ZNF217: variants seen among roughly 807,000 people sequenced by gnomAD.
ZNF217 encodes the protein zinc finger protein 217.
Under a neutral mutation model 73.3 loss-of-function variants are expected in ZNF217, and 12 were observed. That is an observed-to-expected ratio of 0.16 (90% CI 0.10 to 0.27). The LOEUF (loss-of-function observed/expected upper bound fraction) is 0.27. Among genes scored for constraint, ZNF217 ranks in the 10% least tolerant of loss-of-function variants. The pLI is 1.00. For synonymous variants in ZNF217, 588 were observed against 516.4 expected, an observed-to-expected ratio of 1.14 and a Z score of -1.88; for missense variants, 1,195 against 1,327.8, an observed-to-expected ratio of 0.90 and a Z score of 1.55.
intron 5 of ZNF217, among the ~76,000 whole-genome samples, chr20:53,571,095 TA>T (rs1291308193): frequency 3.3e-5 from 5 of 152,190 alleles, no homozygotes; most frequent in Non-Finnish European, 7.4e-5. Flanking sequence ...CATGTTCCAA[TA>T]AAACTTTATT....
Position 53,582,830 on chromosome 20 carries a change from A to G in ZNF217, c.-4T>C. Reference sequence around the variant, plus strand: ...TTCCTGTCACTTTCGATTGCATATAATCTCAAAGTTCCGTTGGGCAATTTC... The same window carrying G: ...TTCCTGTCACTTTCGATTGCATATAGTCTCAAAGTTCCGTTGGGCAATTTC... On this transcript the variant is annotated 5_prime_UTR_variant, in exon 2 of 6. Transcript: ENST00000371471. This position sits in a 1 kb window ranked among gnomAD's most constrained non-coding sequence, Gnocchi z 4.8. 1 of 1,586,890 alleles carries G rather than the reference A, an allele frequency of 6.3e-7. No homozygotes were observed. The highest frequency in any genetic ancestry group is 1.3e-5 in the African/African-American group (1 of 74,206).
Position 53,582,596 on chromosome 20 carries a change from T to G in ZNF217, c.231A>C (p.Ser77=). The G allele has an allele frequency of 6.2e-7, 1 of 1,614,220 alleles. No individual in the cohort carries two copies. ...CMFCSQTFTH[S]EDLNKHVLMQ... is the part of the protein sequence containing the mutation. Reference sequence around the variant, plus strand: ...TTAAGACATGTTTATTAAGGTCTTCTGAATGTGTGAAGGTCTGGCTGCAGA... The same window carrying G: ...TTAAGACATGTTTATTAAGGTCTTCGGAATGTGTGAAGGTCTGGCTGCAGA... The change falls in exon 2 of 6, where the codon TCA becomes TCC. Residue 77 remains serine, a synonymous_variant. Coordinates refer to ENST00000371471, the MANE Select transcript of ZNF217 (RefSeq NM_006526.3). The surrounding 1 kb of genome is among the most constrained non-coding windows in gnomAD (Gnocchi z 4.8).
chr20:53,597,109 A>AAAAC (rs1989055793), upstream of ZNF217, among the ~76,000 whole-genome samples: 1 of 138,730 alleles, frequency 7.2e-6, no homozygotes, highest in Admixed American at 7.2e-5. Context: ...AAAAAAAAAA[A>AAAAC]AAAACTTCTG....
In ZNF217 at chr20:53,567,344, C is replaced by T. The variant is rs561547946; in HGVS notation, c.*1944G>A. ...GGACACAAAAACATATTTTGAAGTA[C>T]AAAGGGCTGTAGGAAAATAATTGGT... On this transcript the variant is annotated 3_prime_UTR_variant, in exon 6 of 6. Transcript: ENST00000371471. 1.3e-5 allele frequency: 2 copies of T among 152,562 alleles called. No individual in the cohort carries two copies. The highest frequency in any genetic ancestry group is 4.8e-5 in the African/African-American group (2 of 41,524). The allele number at this position is 152,562 out of a possible 1,614,324, so 9.5% of individuals were successfully genotyped here.
chr20:53,576,984 G>A lies in ZNF217; in HGVS notation c.1780C>T (p.Pro594Ser). ...QNVLGSAVLS[P>S]AHKDTQDFHK... The stretch of plus-strand genomic sequence containing the variant: ...AAATCCTGAGTATCTTTGTGTGCTG[G>A]TGAGAGGACAGCGCTGCCCAGAACA... The change falls in exon 4 of 6, where the codon CCA becomes TCA. Residue 594 changes from proline to serine, a missense_variant. By Grantham distance (74) the Pro-to-Ser change is moderately conservative. This residue lies in a region of ZNF217 where 649 missense variants were observed against 642.8 expected (regional missense o/e 1.01). Transcript: ENST00000371471. 6.2e-7 allele frequency: 1 copy of A among 1,614,180 alleles called. No individual in the cohort carries two copies. Among genetic ancestry groups the A allele is most frequent in the Non-Finnish European group, 8.5e-7 (1 of 1,180,050 alleles).
upstream of ZNF217, among the ~76,000 whole-genome samples, chr20:53,595,897 T>C (rs1989033337): frequency 6.6e-6 from 1 of 152,208 alleles, no homozygotes; most frequent in Non-Finnish European, 1.5e-5. Context: ...TGGAACCAGG[T>C]TGAGCCTGAA....
rs1988520457 is a variant in ZNF217, at chr20:53,581,975, G to A, written c.852C>T (p.Val284=). ...KSHPETGKKP[V]RCIPQLDPFT... is the part of the protein sequence containing the mutation. ...ACGGATCGAGCTGAGGGATGCATCTGACAGGCTTCTTCCCCGTTTCAGGGT... is the reference window on the plus strand; with the variant it reads ...ACGGATCGAGCTGAGGGATGCATCTAACAGGCTTCTTCCCCGTTTCAGGGT... The change falls in exon 2 of 6, where the codon GTC becomes GTT. Residue 284 remains valine (V), a synonymous_variant. Coordinates refer to ENST00000371471, the MANE Select transcript of ZNF217 (RefSeq NM_006526.3). This position sits in a 1 kb window ranked among gnomAD's most constrained non-coding sequence, Gnocchi z 4.9. The A allele has an allele frequency of 6.2e-7, 1 of 1,614,220 alleles. No individual in the cohort carries two copies. Among genetic ancestry groups the A allele is most frequent in the East Asian group, 2.2e-5 (1 of 44,880 alleles).
Position 53,576,053 on chromosome 20 carries a change from C to T in ZNF217, c.2711G>A (p.Ser904Asn). The T allele has an allele frequency of 1.9e-6, 3 of 1,614,236 alleles. No individual in the cohort carries two copies. The highest frequency in any genetic ancestry group is 1.1e-5 in the South Asian group (1 of 91,082). ...PPGRDYFCNR[S>N]ASNTAAEFGE... ...AAATTCTGCTGCAGTATTGCTGGCA[C>T]TCCGATTACAGAAATAGTCTCTTCC... The change falls in exon 4 of 6, where the codon AGT (serine) becomes AAT (asparagine). Residue 904 changes from serine to asparagine, a missense_variant. This residue lies in a region of ZNF217 where 649 missense variants were observed against 642.8 expected (regional missense o/e 1.01). Coordinates refer to ENST00000371471, the MANE Select transcript of ZNF217 (RefSeq NM_006526.3).
rs1346460715 is a variant in ZNF217, at chr20:53,581,816, A to G, written c.1011T>C (p.Asn337=). The G allele has an allele frequency of 1.9e-6, 3 of 1,614,074 alleles. No homozygotes were observed. Among genetic ancestry groups the G allele is most frequent in the Non-Finnish European group, 2.5e-6 (3 of 1,180,000 alleles). Residue 337 remains asparagine (N), a synonymous_variant, in exon 2 of 6, where the codon AAT becomes AAC. Coordinates refer to ENST00000371471, the MANE Select transcript of ZNF217 (RefSeq NM_006526.3). This position sits in a 1 kb window ranked among gnomAD's most constrained non-coding sequence, Gnocchi z 4.9. ...SSSEKELGET[N]KGSCAGLSQE... is the part of the protein sequence containing the mutation. ...GCGAGAGGCCTGCACAACTGCCCTT[A>G]TTTGTTTCTCCAAGCTCCTTCTCGG...
chr20:53,593,096 A>C (rs1988939872), intron 1 of ZNF217, among the ~76,000 whole-genome samples: 1 of 150,448 alleles, frequency 6.6e-6, no homozygotes, highest in African/African-American at 2.4e-5. Flanking sequence ...CTGTTCAGGG[A>C]TGAGCAGGCG....
In ZNF217 at chr20:53,581,536, T is replaced by C. The variant is rs1168991261; in HGVS notation, c.1291A>G (p.Asn431Asp). The change falls in exon 2 of 6, where the codon AAT becomes GAT. Residue 431 changes from asparagine to aspartate, a missense_variant. Coordinates refer to ENST00000371471, the MANE Select transcript of ZNF217 (RefSeq NM_006526.3). This position sits in a 1 kb window ranked among gnomAD's most constrained non-coding sequence, Gnocchi z 4.9. ...SPDLAAPLDE[N>D]GAVDRGEGGS... Reference sequence around the variant, plus strand: ...CCTTCCCCTCGATCCACGGCTCCATTTTCATCCAGAGGGGCGGCGAGGTCA... The same window carrying C: ...CCTTCCCCTCGATCCACGGCTCCATCTTCATCCAGAGGGGCGGCGAGGTCA... 6.2e-7 allele frequency: 1 copy of C among 1,614,156 alleles called. No homozygotes were observed. The highest frequency in any genetic ancestry group is 1.1e-5 in the South Asian group (1 of 91,086).
upstream of ZNF217, among the ~76,000 whole-genome samples, chr20:53,596,350 T>A (rs912933800): frequency 7.2e-5 from 11 of 152,224 alleles, no homozygotes; most frequent in African/African-American, 2.7e-4. Context: ...ATCCTCCTTA[T>A]GTTTGAGCAA....
chr20:53,585,232 A>G (rs1168541936), intron 1 of ZNF217, among the ~76,000 whole-genome samples: 1 of 152,118 alleles, frequency 6.6e-6, no homozygotes, highest in South Asian at 2.1e-4. Context: ...TCCTTTAGAA[A>G]AAGAGACACC....
At position 53,577,550 on chromosome 20, in the gene ZNF217, T is replaced by C. The variant is rs145424956; in HGVS notation, c.1484-270A>G. Among the ~76,000 whole-genome samples the C allele has an allele frequency of 9.8e-5, 15 of 152,342 alleles. No individual in the cohort carries two copies. The East Asian group carries it at 2.7e-3, about 27-fold the overall frequency. ...AGGGAAATATGTATTATTCTACTTT[T>C]ACAGCAAAGAAAACTAAAAGCACAA... On this transcript the variant is annotated intron_variant, in intron 3 of 5. Coordinates refer to ENST00000371471, the MANE Select transcript of ZNF217 (RefSeq NM_006526.3).
chr20:53,569,738 C>T (rs1234409675), intron 5 of ZNF217, among the ~76,000 whole-genome samples: 2 of 152,164 alleles, frequency 1.3e-5, no homozygotes, highest in African/African-American at 4.8e-5. Context: ...GAATGACTAA[C>T]TAGATAATGC....
rs561487719 is a variant in ZNF217 at position 53,572,262 on chromosome 20, G to A, written c.3038-409C>T. ...CTCTACTAAAAATAAAAAATTAGCT[G>A]GGTATGGTGACATGCACCTTTAGTC... On this transcript the variant is annotated intron_variant, in intron 4 of 5. Coordinates refer to ENST00000371471, the MANE Select transcript of ZNF217 (RefSeq NM_006526.3). Among the ~76,000 whole-genome samples, 47 of 152,172 alleles carry A rather than the reference G, an allele frequency of 3.1e-4. 1 individual carries two copies. Among genetic ancestry groups the A allele is most frequent in the East Asian group, 5.8e-4 (3 of 5,178 alleles).
At chr20:53,580,352 C>T (rs1159979874) in intron 2 of ZNF217, among the ~76,000 whole-genome samples, 2 of 152,214 alleles carry the variant, frequency 1.3e-5, no homozygotes, top group Non-Finnish European at 2.9e-5. Context: ...GGAGGAGGCA[C>T]TTGTTTTAAC....
rs1600723284 is a variant in ZNF217 at position 53,581,627 on chromosome 20, G to A, written c.1200C>T (p.Asp400=). Residue 400 remains aspartate, a synonymous_variant, in exon 2 of 6, where the codon GAC becomes GAT. Coordinates refer to ENST00000371471, the MANE Select transcript of ZNF217 (RefSeq NM_006526.3). This position sits in a 1 kb window ranked among gnomAD's most constrained non-coding sequence, Gnocchi z 4.9. ...LVLHSRVHKK[D]RRAGAESPTM... is the part of the protein sequence containing the mutation. The stretch of plus-strand genomic sequence containing the variant: ...TGGGCGACTCCGCGCCGGCCCTCCG[G>A]TCCTTCTTGTGGACCCTGGAGTGCA... 2.5e-6 allele frequency: 4 copies of A among 1,614,096 alleles called. No homozygotes were observed. The highest frequency in any genetic ancestry group is 8.5e-7 in the Non-Finnish European group (1 of 1,180,032).
At chr20:53,593,716 G>A (rs2145989139) in intron 1 of ZNF217, 40 bp downstream of exon 1, 1 of 151,442 alleles carries the variant, frequency 6.6e-6, no homozygotes, top group South Asian at 2.1e-4. Flanking sequence ...GACCGGGCGG[G>A]CGCCCCGGCT....
Sources: allele counts gnomAD v4.1 joint callset (sites outside exome capture counted in the v4.1 genomes callset), GRCh38; gene constraint gnomAD v4.1.1; regional missense constraint gnomAD v4.1.1; non-coding constraint Gnocchi (gnomAD v3.1); transcripts MANE v1.5; gene names NCBI Gene and HGNC (gene_info 2026-07-23, HGNC 2026-07-21).